Variants in SLC25A13 observed in about 807,000 individuals in gnomAD.
The protein encoded by SLC25A13 is solute carrier family 25 member 13.
Under a neutral mutation model 85.5 loss-of-function variants are expected in SLC25A13, and 70 were observed. The observed-to-expected ratio is 0.82, with a 90% confidence interval of 0.68 to 1.00. The LOEUF (loss-of-function observed/expected upper bound fraction) is 1.00. SLC25A13 is among the 50% of genes least tolerant of loss of function. SLC25A13 has a pLI of 0.00. For missense variants in SLC25A13, 765 were observed against 819.8 expected (o/e 0.93, Z 0.82); for synonymous variants, 259 against 288.7 (o/e 0.90, Z 1.04).
chr7:96,270,399 T>A (rs1164760010), intron 3 of SLC25A13, among the ~76,000 whole-genome samples: 1 of 152,030 alleles, frequency 6.6e-6, no homozygotes, highest in Admixed American at 6.5e-5. Context: ...CTACTAAAAA[T>A]ACAAAAATTA....
In SLC25A13 at chr7:96,236,686, C is replaced by T. The variant is rs546117615; in HGVS notation, c.213-1769G>A. On this transcript the variant is annotated intron_variant, in intron 3 of 17. Coordinates refer to ENST00000265631, the MANE Select transcript of SLC25A13 (RefSeq NM_014251.3). ...GGCTTCTGACATTTTGGCCTGAAAA[C>T]CAGGTCTCCTGGCTTCCATTTAACC... Among the ~76,000 whole-genome samples the T allele has an allele frequency of 1.3e-4, 20 of 152,260 alleles. No individual in the cohort carries two copies. The South Asian group carries it at 3.9e-3, about 30-fold the overall frequency.
chr7:96,134,122 G>A lies in SLC25A13; in HGVS notation c.1453-2241C>T, dbSNP rs573698810. On this transcript the variant is annotated intron_variant, in intron 14 of 17. Transcript: ENST00000265631. The stretch of plus-strand genomic sequence containing the variant: ...CAGCTCACTGCAACCTCCACCTCCC[G>A]GGTTCACGATTCTGTTACTTCAGCC... Among the ~76,000 whole-genome samples the A allele has an allele frequency of 1.7e-3, 256 of 150,170 alleles. 1 individual carries two copies. Among genetic ancestry groups the A allele is most frequent in the African/African-American group, 6.0e-3 (244 of 41,002 alleles).
At chr7:96,209,300 A>G (rs367713173) in intron 4 of SLC25A13, among the ~76,000 whole-genome samples, 13 of 151,216 alleles carry the variant, frequency 8.6e-5, no homozygotes, top group African/African-American at 3.2e-4. Flanking sequence ...AGAAATAATG[A>G]TTATTTTCTA....
At chr7:96,173,026 G>A (rs1037015415) in intron 11 of SLC25A13, among the ~76,000 whole-genome samples, 6 of 152,190 alleles carry the variant, frequency 3.9e-5, no homozygotes, top group Admixed American at 6.5e-5. Context: ...CCAAAGTGTC[G>A]GGATTACAGG....
chr7:96,228,962 G>A (rs1401812087), intron 4 of SLC25A13, among the ~76,000 whole-genome samples: 1 of 152,170 alleles, frequency 6.6e-6, no homozygotes, highest in Non-Finnish European at 1.5e-5. Flanking sequence ...GGGCTGTCAG[G>A]AGCTGGAGCC....
chr7:96,155,408 G>A (rs115433437), intron 13 of SLC25A13, among the ~76,000 whole-genome samples: 3,704 of 152,008 alleles, frequency 0.024, 146 homozygotes, highest in African/African-American at 0.084. Context: ...AGTGTTTTTC[G>A]TCCTCCTTCT....
chr7:96,223,790 A>G (rs926375117), intron 4 of SLC25A13, among the ~76,000 whole-genome samples: 9 of 1,782 alleles, frequency 5.1e-3, no homozygotes, highest in South Asian at 0.059. Context: ...TCCATCTCTG[A>G]AAAAAAAAAA....
At chr7:96,317,602 T>C (rs937213102) in intron 1 of SLC25A13, among the ~76,000 whole-genome samples, 1 of 151,896 alleles carries the variant, frequency 6.6e-6, no homozygotes, top group Non-Finnish European at 1.5e-5. Context: ...TCTGAAATAC[T>C]AGCAATTTTC....
At chr7:96,257,356 G>T (rs1004392574) in intron 3 of SLC25A13, among the ~76,000 whole-genome samples, 5 of 152,012 alleles carry the variant, frequency 3.3e-5, no homozygotes, top group African/African-American at 1.2e-4. Flanking sequence ...GAATCAAATA[G>T]ATGCAATAAA....
Position 96,152,357 on chromosome 7 carries a change from G to A in SLC25A13, c.1312-5661C>T, listed in dbSNP as rs573001930. ...GGAGCAGAGGGGAGAGGGCTCATCC[G>A]GGAGGCAGAGCCTGAGGCAGGGATC... is the stretch of plus-strand genomic sequence containing the variant. On this transcript the variant is annotated intron_variant, in intron 13 of 17. Coordinates refer to ENST00000265631, the MANE Select transcript of SLC25A13 (RefSeq NM_014251.3). Among the ~76,000 whole-genome samples the A allele has an allele frequency of 5.9e-5, 9 of 152,246 alleles. No individual in the cohort carries two copies. In the South Asian group the frequency reaches 1.9e-3, roughly 32 times the overall value.
chr7:96,220,763 G>A (rs1796093695), intron 4 of SLC25A13, among the ~76,000 whole-genome samples: 2 of 151,906 alleles, frequency 1.3e-5, no homozygotes, highest in Non-Finnish European at 2.9e-5. Context: ...GCATGCACAT[G>A]AACATGCACA....
At chr7:96,163,904 C>CCAT (rs1793628753) in intron 13 of SLC25A13, among the ~76,000 whole-genome samples, 1 of 150,830 alleles carries the variant, frequency 6.6e-6, no homozygotes, top group African/African-American at 2.4e-5. Flanking sequence ...TCTCTCTCTC[C>CCAT]ATATATATAT....
intron 3 of SLC25A13, among the ~76,000 whole-genome samples, chr7:96,270,963 C>T (rs929682268): frequency 2.6e-5 from 4 of 152,288 alleles, no homozygotes; most frequent in African/African-American, 9.6e-5. Flanking sequence ...TTCCCTGTTT[C>T]TGTGTCAACT....
At chr7:96,179,090 A>G (rs1253015877) in intron 11 of SLC25A13, among the ~76,000 whole-genome samples, 1 of 152,230 alleles carries the variant, frequency 6.6e-6, no homozygotes, top group Non-Finnish European at 1.5e-5. Context: ...AAAACATAAA[A>G]TAAGTGATTA....
intron 5 of SLC25A13, 79 bp downstream of exon 5, chr7:96,208,759 C>T (rs1190813389): frequency 6.5e-7 from 1 of 1,538,154 alleles, no homozygotes; most frequent in Admixed American, 1.7e-5. Flanking sequence ...CCCACCTCGG[C>T]CTCCCAAAGT....
chr7:96,265,240 T>C (rs549625823), intron 3 of SLC25A13, among the ~76,000 whole-genome samples: 2 of 152,346 alleles, frequency 1.3e-5, no homozygotes, highest in South Asian at 4.1e-4. Flanking sequence ...TGTAACACCA[T>C]GCACACCGGT....
chr7:96,143,658 CT>C (rs567814389), intron 14 of SLC25A13, among the ~76,000 whole-genome samples: 2 of 152,184 alleles, frequency 1.3e-5, no homozygotes. Flanking sequence ...CCATTTTCCA[CT>C]TTTTTTCAGT....
chr7:96,272,884 G>A (rs1010323918), intron 3 of SLC25A13, among the ~76,000 whole-genome samples: 3 of 152,104 alleles, frequency 2.0e-5, no homozygotes, highest in African/African-American at 4.8e-5. Flanking sequence ...TAGAATAACC[G>A]GTTCAGCAAA....
At chr7:96,228,968 G>C (rs1029408240) in intron 4 of SLC25A13, among the ~76,000 whole-genome samples, 2 of 152,178 alleles carry the variant, frequency 1.3e-5, no homozygotes, top group Non-Finnish European at 2.9e-5. Context: ...TCAGGAGCTG[G>C]AGCCCGCCAT....
Sources: allele counts gnomAD v4.1 joint callset (sites outside exome capture counted in the v4.1 genomes callset), GRCh38; gene constraint gnomAD v4.1.1; transcripts MANE v1.5; gene names NCBI Gene and HGNC (gene_info 2026-07-23, HGNC 2026-07-21).